The following TCF4 variants were observed in gnomAD, a reference collection of about 807,000 sequenced individuals.
The protein encoded by TCF4 is SL3-3 enhancer factor 2.
A neutral mutation model predicts 82.1 loss-of-function variants in TCF4; 3 were observed. That is an observed-to-expected ratio of 0.04 (90% CI 0.02 to 0.09). The LOEUF (loss-of-function observed/expected upper bound fraction) is 0.09, where lower values mean the gene tolerates loss of function less well. TCF4 is among the 10% of genes least tolerant of loss of function. The pLI is 1.00. For synonymous variants in TCF4, 276 were observed against 309.6 expected (o/e 0.89, Z 1.14); for missense variants, 518 against 852.7 (o/e 0.61, Z 4.89).
At chr18:55,270,536 C>A (rs1274915255) in intron 10 of TCF4, among the ~76,000 whole-genome samples, 1 of 152,048 alleles carries the variant, frequency 6.6e-6, no homozygotes, top group East Asian at 1.9e-4. Flanking sequence ...TCTTACTCAT[C>A]AATATGTAAC....
At chr18:55,400,664 T>C (rs1386769666) in intron 6 of TCF4, among the ~76,000 whole-genome samples, 1 of 152,146 alleles carries the variant, frequency 6.6e-6, no homozygotes, top group Admixed American at 6.6e-5. Context: ...GTTAAATCCT[T>C]AGGAGAAATC....
At chr18:55,577,740 A>G (rs1006378020) in intron 3 of TCF4, among the ~76,000 whole-genome samples, 3 of 152,152 alleles carry the variant, frequency 2.0e-5, no homozygotes, top group African/African-American at 7.2e-5. Context: ...AGAATGTTTA[A>G]ATGAATGGAA....
Position 55,389,482 on chromosome 18 carries a change from T to A in TCF4, c.369+13972A>T, listed in dbSNP as rs114089763. Among the ~76,000 whole-genome samples the A allele has an allele frequency of 1.2e-3, 180 of 152,240 alleles. 1 individual carries two copies. Among genetic ancestry groups the A allele is most frequent in the African/African-American group, 4.1e-3 (172 of 41,540 alleles). On this transcript the variant is annotated intron_variant, in intron 6 of 19. Coordinates refer to ENST00000354452, the MANE Select transcript of TCF4 (RefSeq NM_001083962.2). ...TCTGCCCTGGTTATAACATCCAGGG[T>A]CCCTGAATCTTGAACAAAGCAGGTG...
intron 3 of TCF4, among the ~76,000 whole-genome samples, chr18:55,480,886 T>C (rs1172502418): frequency 6.6e-6 from 1 of 152,116 alleles, no homozygotes; most frequent in Admixed American, 6.5e-5. Flanking sequence ...GGTGTATCAC[T>C]TGAGGCCAGG....
At chr18:55,378,105 T>G (rs1323980815) in intron 6 of TCF4, among the ~76,000 whole-genome samples, 1 of 152,194 alleles carries the variant, frequency 6.6e-6, no homozygotes, top group African/African-American at 2.4e-5. Flanking sequence ...GGCTACCTTC[T>G]CTTCTCAGCA....
At chr18:55,401,273 CTTTTA>C in intron 6 of TCF4, 1 of 1,190,262 alleles carries the variant, frequency 8.4e-7, no homozygotes, top group South Asian at 1.6e-5. Flanking sequence ...CAAAATTTCA[CTTTTA>C]TTTATCCCTA....
At chr18:55,294,259 CA>C (rs1218332680) in intron 8 of TCF4, among the ~76,000 whole-genome samples, 3 of 137,486 alleles carry the variant, frequency 2.2e-5, no homozygotes, top group Middle Eastern at 3.4e-3. Context: ...GAATCTGTCT[CA>C]AAAAAAAAGA....
chr18:55,531,044 C>A (rs1200376507), intron 3 of TCF4, among the ~76,000 whole-genome samples: 2 of 151,830 alleles, frequency 1.3e-5, no homozygotes, highest in African/African-American at 2.4e-5. Context: ...TTCCGCCTCC[C>A]GGGTTCAAGC....
chr18:55,535,711 T>C (rs2097108715), intron 3 of TCF4, among the ~76,000 whole-genome samples: 2 of 152,090 alleles, frequency 1.3e-5, no homozygotes, highest in African/African-American at 4.8e-5. Flanking sequence ...AAACATGAAA[T>C]GGAAAAGAGA....
At chr18:55,409,378 T>TC (rs1330672686) in intron 5 of TCF4, among the ~76,000 whole-genome samples, 1 of 152,112 alleles carries the variant, frequency 6.6e-6, no homozygotes, top group Admixed American at 6.6e-5. Flanking sequence ...TTCAGGGTTT[T>TC]CTTTTTTTTT....
At chr18:55,293,619 G>C (rs1167139058) in intron 8 of TCF4, among the ~76,000 whole-genome samples, 2 of 152,120 alleles carry the variant, frequency 1.3e-5, no homozygotes, top group African/African-American at 4.8e-5. Flanking sequence ...GAAAAATGTA[G>C]TTCATAGCAT....
At chr18:55,582,946 T>TC (rs1393452895) in intron 3 of TCF4, among the ~76,000 whole-genome samples, 3 of 152,170 alleles carry the variant, frequency 2.0e-5, no homozygotes, top group Non-Finnish European at 2.9e-5. Flanking sequence ...AATGCAGTAT[T>TC]CATGATTTTT....
At chr18:55,533,092 A>C (rs1484299693) in intron 3 of TCF4, among the ~76,000 whole-genome samples, 1 of 152,220 alleles carries the variant, frequency 6.6e-6, no homozygotes, top group Non-Finnish European at 1.5e-5. Context: ...GGTTCAAAAC[A>C]AAACAAAACA....
At chr18:55,528,036 A>G (rs2097011454) in intron 3 of TCF4, among the ~76,000 whole-genome samples, 1 of 152,112 alleles carries the variant, frequency 6.6e-6, no homozygotes. Context: ...TTTAGAAAAA[A>G]TTTGTTACAC....
At chr18:55,366,226 A>C (rs1034282336) in intron 6 of TCF4, among the ~76,000 whole-genome samples, 1 of 152,200 alleles carries the variant, frequency 6.6e-6, no homozygotes, top group South Asian at 2.1e-4. Context: ...GAAGGTTCAC[A>C]ATCTTTCCCT....
At chr18:55,613,750 C>G (rs1469082551) in intron 2 of TCF4, among the ~76,000 whole-genome samples, 2 of 152,166 alleles carry the variant, frequency 1.3e-5, no homozygotes, top group Non-Finnish European at 2.9e-5. Context: ...GGTGAGAAAT[C>G]TGCCCCATGA....
chr18:55,330,176 A>ATTTTTTTTTTTTTTTTTTTTTTTTTTT (rs3077897), intron 8 of TCF4, among the ~76,000 whole-genome samples: 1 of 110,480 alleles, frequency 9.1e-6, no homozygotes. Context: ...GCAATGTTGG[A>ATTTTTTTTTTTTTTTTTTTTTTTTTTT]TTTTTTTTTT....
intron 2 of TCF4, among the ~76,000 whole-genome samples, chr18:55,619,909 C>A (rs932347971): frequency 3.9e-5 from 6 of 152,060 alleles, no homozygotes; most frequent in African/African-American, 1.4e-4. Flanking sequence ...TATGGTTAGG[C>A]TTTGTGTCCC....
At chr18:55,631,317 G>A (rs1252952539) in exon 2 of TCF4, 7 of 1,531,092 alleles carry the variant, frequency 4.6e-6, no homozygotes, top group Non-Finnish European at 6.2e-6. Context: ...CCAAAGTGCT[G>A]GGATTACAGG....
Sources: gnomAD v4.1 joint callset for allele counts (sites outside exome capture counted in the v4.1 genomes callset) on GRCh38, gnomAD v4.1.1 for gene constraint, MANE v1.5 for transcripts, NCBI Gene and HGNC (gene_info 2026-07-23, HGNC 2026-07-21) for gene names.